SLCO1B1: variants seen among roughly 807,000 people sequenced by gnomAD.
SLCO1B1 encodes OATP-2.
A neutral mutation model predicts 70.1 loss-of-function variants in SLCO1B1; 81 were observed. The ratio of observed to expected loss-of-function variants is 1.16; its 90% confidence interval spans 0.97 to 1.39. SLCO1B1 has a LOEUF of 1.39. Among genes scored for constraint, SLCO1B1 ranks in the 40% most tolerant of loss-of-function variants. The probability of loss-of-function intolerance (pLI) is 0.00; values close to 1 mark genes in which losing one functional copy is unlikely to be tolerated. For missense variants in SLCO1B1, 895 were observed against 799.6 expected (o/e 1.12, Z -1.44); for synonymous variants, 283 against 271.5 (o/e 1.04, Z -0.42).
chr12:21,147,910 C>T (rs1199568514), intron 2 of SLCO1B1, among the ~76,000 whole-genome samples: 3 of 152,246 alleles, frequency 2.0e-5, no homozygotes, highest in Admixed American at 2.0e-4. Context: ...TTCCAACTGG[C>T]GTGAGATAGT....
chr12:21,227,113 G>C (rs1941490320), intron 14 of SLCO1B1, among the ~76,000 whole-genome samples: 1 of 151,948 alleles, frequency 6.6e-6, no homozygotes, highest in African/African-American at 2.4e-5. Flanking sequence ...CTCCCAAATA[G>C]ATAAAATGGC....
Position 21,138,706 on chromosome 12 carries a change from T to C in SLCO1B1, c.-61-2808T>C, listed in dbSNP as rs559075522. 1.4e-3 allele frequency among the ~76,000 whole-genome samples: 206 copies of C among 152,222 alleles called. 1 individual carries two copies. Among genetic ancestry groups the C allele is most frequent in the African/African-American group, 4.8e-3 (198 of 41,540 alleles). ...TCCACTGGTACAGCAGGATGGGAGATATTATCAACAGGTGGTAAGTATAAA... is the reference window on the plus strand; with the variant it reads ...TCCACTGGTACAGCAGGATGGGAGACATTATCAACAGGTGGTAAGTATAAA... On this transcript the variant is annotated intron_variant, in intron 1 of 14. Coordinates refer to ENST00000256958, the MANE Select transcript of SLCO1B1 (RefSeq NM_006446.5).
chr12:21,185,498 A>G (rs572490254), intron 7 of SLCO1B1, among the ~76,000 whole-genome samples: 2 of 152,222 alleles, frequency 1.3e-5, no homozygotes, highest in South Asian at 4.1e-4. Context: ...CTTTTCCTGA[A>G]TAATTCTTGG....
chr12:21,185,302 A>G (rs898973054), intron 7 of SLCO1B1, among the ~76,000 whole-genome samples: 1 of 152,154 alleles, frequency 6.6e-6, no homozygotes, highest in Non-Finnish European at 1.5e-5. Flanking sequence ...CACTATCAGA[A>G]TATGCTTTCT....
chr12:21,218,169 A>G (rs1404538365), intron 12 of SLCO1B1, among the ~76,000 whole-genome samples: 1 of 152,168 alleles, frequency 6.6e-6, no homozygotes, highest in Non-Finnish European at 1.5e-5. Context: ...TTAATACAGG[A>G]AAGAGCTGGT....
At chr12:21,167,575 C>G (rs540636616) in intron 2 of SLCO1B1, among the ~76,000 whole-genome samples, 3 of 152,188 alleles carry the variant, frequency 2.0e-5, no homozygotes, top group South Asian at 4.2e-4. Flanking sequence ...ATCGTTTTGT[C>G]ATGCTGGTAA....
intron 11 of SLCO1B1, among the ~76,000 whole-genome samples, chr12:21,215,508 T>A (rs1941347298): frequency 6.6e-6 from 1 of 152,232 alleles, no homozygotes; most frequent in African/African-American, 2.4e-5. Context: ...GGACCATCCT[T>A]ACATCTCAAA....
chr12:21,185,119 C>G (rs1379562152), intron 7 of SLCO1B1, among the ~76,000 whole-genome samples: 1 of 152,068 alleles, frequency 6.6e-6, no homozygotes, highest in Non-Finnish European at 1.5e-5. Flanking sequence ...AAAAAAGATT[C>G]TTAGAGACCT....
intron 11 of SLCO1B1, among the ~76,000 whole-genome samples, chr12:21,207,677 G>A (rs1167743237): frequency 6.6e-6 from 1 of 152,018 alleles, no homozygotes; most frequent in Non-Finnish European, 1.5e-5. Context: ...GGATTGCTGA[G>A]TTGAATGGTA....
intron 12 of SLCO1B1, 107 bp downstream of exon 12, chr12:21,217,410 C>T: frequency 1.1e-6 from 1 of 902,358 alleles, no homozygotes; most frequent in East Asian, 2.6e-5. Context: ...CATATTTCAT[C>T]AAATTTTAAT....
intron 7 of SLCO1B1, among the ~76,000 whole-genome samples, chr12:21,192,463 T>G (rs982873562): frequency 6.6e-6 from 1 of 151,800 alleles, no homozygotes; most frequent in Non-Finnish European, 1.5e-5. Context: ...TTTTGTTTGT[T>G]TGAGTCTTTT....
intron 2 of SLCO1B1, among the ~76,000 whole-genome samples, chr12:21,150,623 C>T (rs1591799993): frequency 6.6e-6 from 1 of 152,092 alleles, no homozygotes; most frequent in South Asian, 2.1e-4. Context: ...AGAAGAAAAA[C>T]CTACAAACAG....
chr12:21,160,383 A>C (rs977081504), intron 2 of SLCO1B1, among the ~76,000 whole-genome samples: 3 of 151,960 alleles, frequency 2.0e-5, no homozygotes, highest in East Asian at 1.9e-4. Context: ...GGGAAAAAAA[A>C]CCCTGTTCAA....
At chr12:21,181,182 T>C (rs1940893093) in intron 7 of SLCO1B1, among the ~76,000 whole-genome samples, 1 of 152,208 alleles carries the variant, frequency 6.6e-6, no homozygotes, top group African/African-American at 2.4e-5. Context: ...TGGCAAGGAC[T>C]TCTGATTGGT....
intron 14 of SLCO1B1, among the ~76,000 whole-genome samples, chr12:21,231,692 T>C (rs1682038976): frequency 6.6e-6 from 1 of 151,996 alleles, no homozygotes; most frequent in Non-Finnish European, 1.5e-5. Flanking sequence ...TATATGTGTG[T>C]ATATATGTAT....
chr12:21,134,190 G>A (rs1183686747), intron 1 of SLCO1B1, among the ~76,000 whole-genome samples: 3 of 152,078 alleles, frequency 2.0e-5, no homozygotes, highest in East Asian at 1.9e-4. Flanking sequence ...ATCCCACTTG[G>A]TCATGTTGGA....
At chr12:21,202,002 A>G (rs554176952) in intron 9 of SLCO1B1, among the ~76,000 whole-genome samples, 1 of 152,318 alleles carries the variant, frequency 6.6e-6, no homozygotes, top group African/African-American at 2.4e-5. Flanking sequence ...AATGTGGCAC[A>G]TGTGTACCAT....
chr12:21,209,598 G>A (rs1941255430), intron 11 of SLCO1B1, among the ~76,000 whole-genome samples: 1 of 152,060 alleles, frequency 6.6e-6, no homozygotes, highest in African/African-American at 2.4e-5. Flanking sequence ...TGGGTCAAAT[G>A]GTATTTCCAG....
At chr12:21,185,263 A>G (rs2100996) in intron 7 of SLCO1B1, among the ~76,000 whole-genome samples, 58,229 of 151,916 alleles carry the variant, frequency 0.38, 13,086 homozygotes, top group South Asian at 0.55. Flanking sequence ...AACTGGATCC[A>G]AAAACATCCT....
Sources: allele counts gnomAD v4.1 joint callset (sites outside exome capture counted in the v4.1 genomes callset), GRCh38; gene constraint gnomAD v4.1.1; transcripts MANE v1.5; gene names NCBI Gene and HGNC (gene_info 2026-07-23, HGNC 2026-07-21).